TCF7L1: variants seen among roughly 807,000 people sequenced by gnomAD.
TCF7L1 encodes transcription factor 7 like 1, also known as transcription factor 7-like 1.
TCF7L1 carries 18 observed loss-of-function variants against 63.7 expected under a neutral mutation model. That is an observed-to-expected ratio of 0.28 (90% CI 0.20 to 0.42). The LOEUF (loss-of-function observed/expected upper bound fraction) is 0.42, where lower values mean the gene tolerates loss of function less well. Ranked by LOEUF, TCF7L1 falls within the 10% of genes least tolerant of loss-of-function variation. TCF7L1 has a pLI of 1.00. For synonymous variants in TCF7L1, 355 were observed against 340.9 expected (o/e 1.04, Z -0.46); for missense variants, 654 against 779.3 (o/e 0.84, Z 1.91).
intron 3 of TCF7L1, among the ~76,000 whole-genome samples, chr2:85,193,288 A>G (rs1679080097): frequency 6.6e-6 from 1 of 152,188 alleles, no homozygotes; most frequent in Admixed American, 6.5e-5. Flanking sequence ...CTGAGGAGCC[A>G]AAGTCTCAGG....
At position 85,134,054 on chromosome 2, in the gene TCF7L1, G is replaced by A; in HGVS notation, c.288G>A (p.Gln96=). The A allele has an allele frequency of 6.2e-7, 1 of 1,610,702 alleles. No homozygotes were observed. The highest frequency in any genetic ancestry group is 8.5e-7 in the Non-Finnish European group (1 of 1,179,192). Residue 96 remains glutamine (Q), a synonymous_variant, in exon 2 of 12, where the codon CAG becomes CAA. Coordinates refer to ENST00000282111, the MANE Select transcript of TCF7L1 (RefSeq NM_031283.3). This position sits in a 1 kb window ranked among gnomAD's most constrained non-coding sequence, Gnocchi z 5.0. ...RRPQPVRDTF[Q]KPRDYFAEVR... The stretch of plus-strand genomic sequence containing the variant: ...CGCAGCCCGTCCGGGACACTTTCCA[G>A]AAGCCGCGGGACTATTTCGCCGAAG...
intron 3 of TCF7L1, among the ~76,000 whole-genome samples, chr2:85,176,683 C>T (rs986801988): frequency 1.3e-5 from 2 of 152,108 alleles, no homozygotes; most frequent in Non-Finnish European, 2.9e-5. Context: ...TTAGTCCGTT[C>T]TGGCTGCTAT....
chr2:85,304,102 A>G, intron 6 of TCF7L1, 105 bp downstream of exon 6: 2 of 1,184,718 alleles, frequency 1.7e-6, no homozygotes, highest in Non-Finnish European at 1.2e-6. Flanking sequence ...AGGCAAGCCC[A>G]GGACTAGGCC....
chr2:85,222,669 C>CAA (rs60020804), intron 3 of TCF7L1, among the ~76,000 whole-genome samples: 12,110 of 57,984 alleles, frequency 0.21, 1,975 homozygotes, highest in African/African-American at 0.43. Flanking sequence ...GACCCCATCT[C>CAA]AAAAAAAAAA....
chr2:85,146,623 T>A (rs1677886524), intron 3 of TCF7L1, among the ~76,000 whole-genome samples: 1 of 149,340 alleles, frequency 6.7e-6, no homozygotes, highest in Non-Finnish European at 1.5e-5. Flanking sequence ...TGCCTCAGCC[T>A]CCTGAGTAGC....
chr2:85,155,968 C>T (rs1396627235), intron 3 of TCF7L1, among the ~76,000 whole-genome samples: 2 of 152,092 alleles, frequency 1.3e-5, no homozygotes, highest in African/African-American at 4.8e-5. Context: ...ATGTGGTCCT[C>T]AGTGAAGATT....
At chr2:85,172,396 A>G (rs1293256073) in intron 3 of TCF7L1, among the ~76,000 whole-genome samples, 1 of 152,066 alleles carries the variant, frequency 6.6e-6, no homozygotes, top group East Asian at 1.9e-4. Context: ...ACAGCCTTTC[A>G]CTTGTTCTGT....
intron 3 of TCF7L1, among the ~76,000 whole-genome samples, chr2:85,158,313 T>C (rs1574083156): frequency 6.6e-6 from 1 of 152,266 alleles, no homozygotes; most frequent in Admixed American, 6.5e-5. Flanking sequence ...GGAGACCCAG[T>C]CCCCTCTGGG....
chr2:85,223,222 T>C (rs1679886455), intron 3 of TCF7L1, among the ~76,000 whole-genome samples: 1 of 152,180 alleles, frequency 6.6e-6, no homozygotes, highest in Admixed American at 6.5e-5. Context: ...GCTGGGACTA[T>C]AGGTGTGTGC....
chr2:85,271,420 A>G (rs545961708), intron 3 of TCF7L1, among the ~76,000 whole-genome samples: 1 of 152,162 alleles, frequency 6.6e-6, no homozygotes, highest in African/African-American at 2.4e-5. Flanking sequence ...CCAGTTTCCC[A>G]TTTTTTAAAT....
chr2:85,272,556 G>A (rs1052724970), intron 3 of TCF7L1, among the ~76,000 whole-genome samples: 1 of 152,088 alleles, frequency 6.6e-6, no homozygotes, highest in Non-Finnish European at 1.5e-5. Flanking sequence ...CACTTTGGGA[G>A]GCTAAGGCGA....
Position 85,302,519 on chromosome 2 carries a change from C to T in TCF7L1, c.561C>T (p.His187=). ...TTCCTGTCGTTCAGCACCCGCATCA[C>T]ATGCATCCGCTGACTCCCCTCATCA... ...NKVPVVQHPH[H]MHPLTPLITY... Residue 187 remains histidine (H), a synonymous_variant, in exon 5 of 12, where the codon CAC becomes CAT. Coordinates refer to ENST00000282111, the MANE Select transcript of TCF7L1 (RefSeq NM_031283.3). 4 of 1,614,252 alleles carry T rather than the reference C, an allele frequency of 2.5e-6. No individual in the cohort carries two copies. The highest frequency in any genetic ancestry group is 3.4e-6 in the Non-Finnish European group (4 of 1,180,062).
intron 11 of TCF7L1, among the ~76,000 whole-genome samples, chr2:85,308,257 T>A (rs186752708): frequency 1.3e-5 from 2 of 152,176 alleles, no homozygotes; most frequent in East Asian, 3.9e-4. Context: ...ATTATTAATA[T>A]TTAGGTCACG....
intron 3 of TCF7L1, among the ~76,000 whole-genome samples, chr2:85,204,032 A>C (rs1679337065): frequency 6.6e-6 from 1 of 152,190 alleles, no homozygotes; most frequent in Non-Finnish European, 1.5e-5. Flanking sequence ...AACTGAATGA[A>C]AGATTTATTT....
chr2:85,242,644 T>C (rs1292158922), intron 3 of TCF7L1, among the ~76,000 whole-genome samples: 3 of 152,200 alleles, frequency 2.0e-5, no homozygotes, highest in Admixed American at 2.0e-4. Context: ...AGAAGGCAAA[T>C]GTTGAGGCCA....
intron 3 of TCF7L1, among the ~76,000 whole-genome samples, chr2:85,267,013 C>G (rs1270845194): frequency 6.6e-6 from 1 of 152,174 alleles, no homozygotes; most frequent in Admixed American, 6.5e-5. Flanking sequence ...GGTATGTTTT[C>G]TTCTCTTCCA....
intron 3 of TCF7L1, among the ~76,000 whole-genome samples, chr2:85,216,125 G>A (rs1280821918): frequency 6.6e-6 from 1 of 152,140 alleles, no homozygotes; most frequent in African/African-American, 2.4e-5. Flanking sequence ...GGCTGTGTTA[G>A]GTGGGGAGCC....
rs201537592 is a variant in TCF7L1, at chr2:85,306,395, G to A, written c.1149+30G>A. On this transcript the variant is annotated intron_variant, in intron 9 of 11. Coordinates refer to ENST00000282111, the MANE Select transcript of TCF7L1 (RefSeq NM_031283.3). This position sits in a 1 kb window ranked among gnomAD's most constrained non-coding sequence, Gnocchi z 4.3. ...GACCTGCCCTCTCCCTCCAGGCCAG[G>A]GAGGCAGCGTCCCTGCATTGATGGC... 6.2e-7 allele frequency: 1 copy of A among 1,613,052 alleles called. No individual in the cohort carries two copies. Among genetic ancestry groups the A allele is most frequent in the East Asian group, 2.2e-5 (1 of 44,834 alleles).
chr2:85,255,075 T>A (rs1201073256), intron 3 of TCF7L1, among the ~76,000 whole-genome samples: 1 of 152,186 alleles, frequency 6.6e-6, no homozygotes, highest in Non-Finnish European at 1.5e-5. Context: ...GCCCTTCTGA[T>A]GATGCGCCCA....
Sources: allele counts gnomAD v4.1 joint callset (sites outside exome capture counted in the v4.1 genomes callset), GRCh38; gene constraint gnomAD v4.1.1; non-coding constraint Gnocchi (gnomAD v3.1); transcripts MANE v1.5; gene names NCBI Gene and HGNC (gene_info 2026-07-23, HGNC 2026-07-21).